Variants in PTPRK observed in about 807,000 individuals in gnomAD.
PTPRK encodes receptor-type tyrosine-protein phosphatase kappa.
Under a neutral mutation model 178.0 loss-of-function variants are expected in PTPRK, and 75 were observed. The observed-to-expected ratio is 0.42, with a 90% confidence interval of 0.35 to 0.51. The LOEUF is 0.51. PTPRK is among the 20% of genes least tolerant of loss of function. The probability of loss-of-function intolerance (pLI) is 0.02; values close to 1 mark genes in which losing one functional copy is unlikely to be tolerated. For synonymous variants in PTPRK, 637 were observed against 620.6 expected (o/e 1.03, Z -0.39); for missense variants, 1,441 against 1,797.8 (o/e 0.80, Z 3.59).
At chr6:128,387,049 C>T (rs1427496727) in intron 2 of PTPRK, among the ~76,000 whole-genome samples, 1 of 152,162 alleles carries the variant, frequency 6.6e-6, no homozygotes, top group Non-Finnish European at 1.5e-5. Flanking sequence ...GCCTGGGTGA[C>T]ACAGCGAGAC....
At chr6:127,975,757 T>C (rs1774490663) in intron 27 of PTPRK, among the ~76,000 whole-genome samples, 1 of 152,146 alleles carries the variant, frequency 6.6e-6, no homozygotes, top group South Asian at 2.1e-4. Flanking sequence ...CTACAACTTC[T>C]GCCTCCCGGG....
Position 128,133,879 on chromosome 6 carries a change from T to C in PTPRK, c.1163-43887A>G, listed in dbSNP as rs530508621. On this transcript the variant is annotated intron_variant, in intron 7 of 29. Transcript: ENST00000368226. ...AAGAAAGATTTTAAACAACAAGAAA[T>C]ACACTGATGTTGTGGGCCCTCACAT... 2.6e-5 allele frequency among the ~76,000 whole-genome samples: 4 copies of C among 152,170 alleles called. No homozygotes were observed. In the East Asian group the frequency reaches 7.7e-4, roughly 29 times the overall value.
At chr6:128,466,553 C>A (rs1000379434) in intron 1 of PTPRK, among the ~76,000 whole-genome samples, 1 of 152,136 alleles carries the variant, frequency 6.6e-6, no homozygotes. Context: ...TCTAGAAACA[C>A]AAGACAATTA....
chr6:128,282,768 T>C (rs1336655475), intron 3 of PTPRK, among the ~76,000 whole-genome samples: 2 of 152,152 alleles, frequency 1.3e-5, no homozygotes, highest in Non-Finnish European at 2.9e-5. Context: ...TCTGTAAAGA[T>C]TAATTAGTAG....
intron 11 of PTPRK, among the ~76,000 whole-genome samples, chr6:128,071,008 A>G (rs563599517): frequency 3.8e-4 from 57 of 151,966 alleles, no homozygotes; most frequent in African/African-American, 1.1e-3. Context: ...TTTGAAGAGT[A>G]AGAATTTTCT....
intron 7 of PTPRK, among the ~76,000 whole-genome samples, chr6:128,119,038 G>C (rs976727049): frequency 6.6e-6 from 1 of 152,084 alleles, no homozygotes; most frequent in African/African-American, 2.4e-5. Flanking sequence ...GCATAAATCA[G>C]CTGTTTCTGA....
intron 2 of PTPRK, among the ~76,000 whole-genome samples, chr6:128,389,866 T>G (rs893058796): frequency 2.6e-5 from 4 of 152,090 alleles, no homozygotes; most frequent in Admixed American, 1.3e-4. Context: ...TTCTGTCCAC[T>G]GTAATTTAGA....
chr6:127,989,815 T>G (rs768147624), intron 21 of PTPRK, among the ~76,000 whole-genome samples: 1 of 39,440 alleles, frequency 2.5e-5, no homozygotes, highest in Non-Finnish European at 4.9e-5. Context: ...GAGATTCTAG[T>G]TTTTTTTTTT....
At chr6:128,021,654 A>T (rs959678947) in intron 13 of PTPRK, among the ~76,000 whole-genome samples, 15 of 151,760 alleles carry the variant, frequency 9.9e-5, no homozygotes, top group African/African-American at 3.4e-4. Flanking sequence ...AAAAAGAAAG[A>T]AAGTTTCATC....
intron 7 of PTPRK, among the ~76,000 whole-genome samples, chr6:128,176,237 G>A (rs1801056363): frequency 6.6e-6 from 1 of 151,862 alleles, no homozygotes; most frequent in South Asian, 2.1e-4. Context: ...ATGGTTTTTA[G>A]TAAATTTTGG....
chr6:128,476,396 A>C (rs1329742876), intron 1 of PTPRK, among the ~76,000 whole-genome samples: 1 of 152,078 alleles, frequency 6.6e-6, no homozygotes, highest in Non-Finnish European at 1.5e-5. Context: ...TGTTGGTTAA[A>C]TATTTAAGAA....
intron 7 of PTPRK, among the ~76,000 whole-genome samples, chr6:128,131,105 T>C (rs185008860): frequency 3.6e-4 from 55 of 152,278 alleles, no homozygotes; most frequent in African/African-American, 1.1e-3. Flanking sequence ...GTGTGGTACA[T>C]TGAAGAGAAA....
chr6:128,340,179 C>A (rs901849230), intron 2 of PTPRK, among the ~76,000 whole-genome samples: 1 of 152,152 alleles, frequency 6.6e-6, no homozygotes, highest in African/African-American at 2.4e-5. Context: ...AAACAGCCTC[C>A]TAAAATAAGT....
intron 1 of PTPRK, among the ~76,000 whole-genome samples, chr6:128,512,344 C>A (rs540887074): frequency 1.1e-4 from 16 of 152,276 alleles, no homozygotes; most frequent in African/African-American, 3.9e-4. Flanking sequence ...GCTATTATCC[C>A]AAACTCCAGC....
chr6:128,183,019 A>T (rs541020192), intron 7 of PTPRK, among the ~76,000 whole-genome samples: 1 of 152,334 alleles, frequency 6.6e-6, no homozygotes, highest in South Asian at 2.1e-4. Context: ...TAAAATTTAT[A>T]TGTACATTAT....
chr6:127,974,957 A>G (rs1448285974), intron 27 of PTPRK, among the ~76,000 whole-genome samples: 5 of 152,216 alleles, frequency 3.3e-5, no homozygotes, highest in African/African-American at 1.2e-4. Flanking sequence ...AAATCATATC[A>G]GATTGGCAAG....
chr6:128,254,958 A>G (rs1817039483), intron 3 of PTPRK, among the ~76,000 whole-genome samples: 1 of 152,168 alleles, frequency 6.6e-6, no homozygotes, highest in Non-Finnish European at 1.5e-5. Context: ...GTTGTTACCC[A>G]TATAAAACAA....
chr6:128,134,824 C>CA (rs1340166890), intron 7 of PTPRK, among the ~76,000 whole-genome samples: 1 of 152,020 alleles, frequency 6.6e-6, no homozygotes, highest in Non-Finnish European at 1.5e-5. Flanking sequence ...AACAAATAAA[C>CA]AAATCAATCA....
intron 1 of PTPRK, among the ~76,000 whole-genome samples, chr6:128,497,639 T>C (rs1333695089): frequency 1.3e-5 from 2 of 152,178 alleles, no homozygotes; most frequent in Non-Finnish European, 2.9e-5. Flanking sequence ...TCCCCTCTTT[T>C]AAAATTTCTC....
Sources: gnomAD v4.1 joint callset for allele counts (sites outside exome capture counted in the v4.1 genomes callset) on GRCh38, gnomAD v4.1.1 for gene constraint, MANE v1.5 for transcripts, NCBI Gene and HGNC (gene_info 2026-07-23, HGNC 2026-07-21) for gene names.